The following PGM5 variants were observed in gnomAD, a reference collection of about 807,000 sequenced individuals.
PGM5 encodes the protein phosphoglucomutase-like protein 5.
Under a neutral mutation model 59.2 loss-of-function variants are expected in PGM5, and 23 were observed. The ratio of observed to expected loss-of-function variants is 0.39; its 90% CI spans 0.28 to 0.55. PGM5 has a LOEUF of 0.55. Ranked by LOEUF, PGM5 falls within the 20% of genes least tolerant of loss-of-function variation. The pLI, the probability that PGM5 is intolerant of heterozygous loss-of-function variation, is 0.66. For missense variants in PGM5, 574 were observed against 748.3 expected (o/e 0.77, Z 2.72); for synonymous variants, 214 against 286.0 (o/e 0.75, Z 2.54).
Position 68,501,201 on chromosome 9 carries a change from AG to A in PGM5, c.1614+1841del, listed in dbSNP as rs1824568106. ...TCTCCTCAGAAGCAAGAGTTTTCCT[AG>A]ACCTGGCTCGATGGGCCCCCGAGTA... On this transcript the variant is annotated intron_variant, in intron 10 of 10. Coordinates refer to ENST00000396396, the MANE Select transcript of PGM5 (RefSeq NM_021965.4). Among the ~76,000 whole-genome samples the A allele has an allele frequency of 4.6e-5, 7 of 152,254 alleles. No homozygotes were observed. The South Asian group carries it at 1.2e-3, about 27-fold the overall frequency.
At chr9:68,470,398 T>C (rs1824001257) in intron 7 of PGM5, among the ~76,000 whole-genome samples, 2 of 152,192 alleles carry the variant, frequency 1.3e-5, no homozygotes, top group African/African-American at 4.8e-5. Context: ...AGTTGTAGAG[T>C]TTGTAACATG....
chr9:68,455,209 T>C (rs1026197621), intron 6 of PGM5, among the ~76,000 whole-genome samples: 1 of 152,194 alleles, frequency 6.6e-6, no homozygotes. Flanking sequence ...GAATGTGGTG[T>C]TCAATCCATG....
At chr9:68,367,229 C>G (rs1834696142) in intron 1 of PGM5, among the ~76,000 whole-genome samples, 1 of 151,816 alleles carries the variant, frequency 6.6e-6, no homozygotes, top group South Asian at 2.1e-4. Context: ...TCCTGTTAAG[C>G]GTGAGCTGAG....
intron 2 of PGM5, among the ~76,000 whole-genome samples, chr9:68,383,053 G>A (rs1386394398): frequency 1.3e-5 from 2 of 151,862 alleles, no homozygotes; most frequent in East Asian, 3.8e-4. Flanking sequence ...AAATGGTAAG[G>A]AGTGAAGAAA....
At chr9:68,518,765 G>A (rs569044167) in intron 10 of PGM5, among the ~76,000 whole-genome samples, 6 of 152,114 alleles carry the variant, frequency 3.9e-5, no homozygotes, top group East Asian at 1.9e-4. Context: ...GATCATATTC[G>A]GAAAAATACA....
chr9:68,528,426 A>G (rs1372191309), intron 10 of PGM5, among the ~76,000 whole-genome samples: 1 of 152,204 alleles, frequency 6.6e-6, no homozygotes, highest in East Asian at 1.9e-4. Context: ...TATTTTTTGT[A>G]GAGATGCGGT....
rs1824241685 is a variant in PGM5 at position 68,483,907 on chromosome 9, C to T, written c.1338C>T (p.Ile446=). The change falls in exon 9 of 11, where the codon ATC becomes ATT. Residue 446 remains isoleucine (I), a synonymous_variant. Transcript: ENST00000396396. ...TGGATCCCAAGACGACATATTATATCATGAGGGACCTGGAGGCCCTGGTCA... is the reference window on the plus strand; with the variant it reads ...TGGATCCCAAGACGACATATTATATTATGAGGGACCTGGAGGCCCTGGTCA... ...EGLDPKTTYY[I]MRDLEALVTD... 1 of 1,614,164 alleles carries T rather than the reference C, an allele frequency of 6.2e-7. No individual in the cohort carries two copies. The highest frequency in any genetic ancestry group is 8.5e-7 in the Non-Finnish European group (1 of 1,180,010).
intron 10 of PGM5, among the ~76,000 whole-genome samples, chr9:68,517,032 C>T (rs535389790): frequency 2.6e-5 from 4 of 151,710 alleles, no homozygotes; most frequent in East Asian, 1.9e-4. Flanking sequence ...CCACCACGCC[C>T]GGCTAATTTT....
At chr9:68,468,856 A>G (rs1823978497) in intron 7 of PGM5, among the ~76,000 whole-genome samples, 1 of 152,208 alleles carries the variant, frequency 6.6e-6, no homozygotes, top group South Asian at 2.1e-4. Flanking sequence ...TAGGATGGGA[A>G]TAGCTTTCTC....
At chr9:68,500,179 G>A (rs1296803350) in intron 10 of PGM5, among the ~76,000 whole-genome samples, 4 of 152,162 alleles carry the variant, frequency 2.6e-5, no homozygotes, top group Non-Finnish European at 5.9e-5. Context: ...GAGAAACAGA[G>A]AAATACTCAC....
chr9:68,444,779 G>C (rs1391857092), intron 6 of PGM5, among the ~76,000 whole-genome samples: 1 of 152,196 alleles, frequency 6.6e-6, no homozygotes, highest in African/African-American at 2.4e-5. Context: ...GATCACCATG[G>C]TGGGTTATTC....
intron 10 of PGM5, among the ~76,000 whole-genome samples, chr9:68,518,298 A>G (rs1415823708): frequency 6.6e-6 from 1 of 152,212 alleles, no homozygotes. Context: ...AAAGGAAATG[A>G]AGGAAACTAA....
At chr9:68,362,865 C>CTTTTTTTTTTTTTTT (rs1163826772) in intron 1 of PGM5, among the ~76,000 whole-genome samples, 3 of 96,766 alleles carry the variant, frequency 3.1e-5, no homozygotes, top group Non-Finnish European at 6.0e-5. Flanking sequence ...TTTTCTTTTT[C>CTTTTTTTTTTTTTTT]TTTTTTTTTT....
intron 6 of PGM5, chr9:68,397,478 A>G (rs1465888579): frequency 6.6e-6 from 1 of 152,216 alleles, no homozygotes; most frequent in Non-Finnish European, 1.5e-5. Context: ...GAAAAAGGCC[A>G]TCCAAGATCC....
intron 6 of PGM5, among the ~76,000 whole-genome samples, chr9:68,418,524 G>A (rs1270261948): frequency 3.3e-5 from 5 of 152,090 alleles, no homozygotes; most frequent in Admixed American, 6.6e-5. Flanking sequence ...GTCCTAAACT[G>A]AAAAGGCGAC....
chr9:68,360,168 C>G (rs1350600932), intron 1 of PGM5, among the ~76,000 whole-genome samples: 3 of 152,046 alleles, frequency 2.0e-5, no homozygotes, highest in Non-Finnish European at 4.4e-5. Flanking sequence ...TACAGTTACT[C>G]TTTGATTATG....
chr9:68,372,603 C>T (rs389016), intron 1 of PGM5, among the ~76,000 whole-genome samples: 52,899 of 150,536 alleles, frequency 0.35, 9,554 homozygotes, highest in East Asian at 0.43. Flanking sequence ...ATAGCCTTCA[C>T]CCCTGCCATC....
At chr9:68,369,160 G>A (rs1554676975) in intron 1 of PGM5, among the ~76,000 whole-genome samples, 2 of 152,212 alleles carry the variant, frequency 1.3e-5, no homozygotes. Context: ...TCAAGAGTCT[G>A]TTAGGTACTA....
chr9:68,517,583 T>C (rs1824842231), intron 10 of PGM5, among the ~76,000 whole-genome samples: 1 of 152,232 alleles, frequency 6.6e-6, no homozygotes, highest in South Asian at 2.1e-4. Context: ...GGCACTCTGG[T>C]GATGCTCAGC....
Sources: allele counts gnomAD v4.1 joint callset (sites outside exome capture counted in the v4.1 genomes callset), GRCh38; gene constraint gnomAD v4.1.1; transcripts MANE v1.5; gene names NCBI Gene and HGNC (gene_info 2026-07-23, HGNC 2026-07-21).